Variants in RAB3C observed in about 807,000 individuals in gnomAD.
RAB3C encodes the protein ras-related protein Rab-3C.
A neutral mutation model predicts 26.4 loss-of-function variants in RAB3C; 17 were observed. The observed-to-expected ratio is 0.64, with a 90% confidence interval of 0.44 to 0.97. RAB3C has a LOEUF of 0.97. RAB3C is among the 50% of genes least tolerant of loss of function. The pLI, the probability that RAB3C is intolerant of heterozygous loss-of-function variation, is 0.00. For missense variants in RAB3C, 242 were observed against 281.9 expected (o/e 0.86, Z 1.01); for synonymous variants, 91 against 95.9 (o/e 0.95, Z 0.30).
At chr5:58,659,884 A>C (rs529678228) in intron 2 of RAB3C, among the ~76,000 whole-genome samples, 15 of 152,174 alleles carry the variant, frequency 9.9e-5, no homozygotes, top group African/African-American at 3.6e-4. Context: ...GCTCACTGCA[A>C]CCTCTGCCTC....
chr5:58,700,957 C>G lies in RAB3C; in HGVS notation c.253-25045C>G, dbSNP rs182576515. Among the ~76,000 whole-genome samples, 397 of 151,604 alleles carry G rather than the reference C, an allele frequency of 2.6e-3. 1 individual carries two copies. The highest frequency in any genetic ancestry group is 8.9e-3 in the African/African-American group (365 of 41,238). On this transcript the variant is annotated intron_variant, in intron 2 of 4. Coordinates refer to ENST00000282878, the MANE Select transcript of RAB3C (RefSeq NM_138453.4). Reference sequence around the variant, plus strand: ...AAAGGAGGTAGCTTTTGAGGTACTCCAGCTTAAAAATCTTTTATTTATTTA... The same window carrying G: ...AAAGGAGGTAGCTTTTGAGGTACTCGAGCTTAAAAATCTTTTATTTATTTA...
intron 1 of RAB3C, among the ~76,000 whole-genome samples, chr5:58,597,799 G>GTATATAATATA (rs1746359513): frequency 3.8e-5 from 1 of 26,424 alleles, no homozygotes; most frequent in Non-Finnish European, 9.5e-5. Flanking sequence ...TATATAACAT[G>GTATATAATATA]TAATACATTA....
At chr5:58,713,191 A>G (rs778161166) in intron 2 of RAB3C, among the ~76,000 whole-genome samples, 1 of 152,086 alleles carries the variant, frequency 6.6e-6, no homozygotes, top group East Asian at 1.9e-4. Flanking sequence ...CTAAACTTCA[A>G]TACCTCAGGG....
chr5:58,652,423 A>T (rs1561279121), intron 2 of RAB3C, among the ~76,000 whole-genome samples: 1 of 151,310 alleles, frequency 6.6e-6, no homozygotes, highest in South Asian at 2.1e-4. Context: ...CTTAAAACTT[A>T]TTTTTTTTCT....
intron 3 of RAB3C, among the ~76,000 whole-genome samples, chr5:58,805,589 G>GGAA (rs778353400): frequency 3.7e-5 from 4 of 107,156 alleles, no homozygotes; most frequent in Admixed American, 1.1e-4. Context: ...GACTCCATCT[G>GGAA]AAAAAAAAAA....
intron 3 of RAB3C, among the ~76,000 whole-genome samples, chr5:58,810,883 C>G (rs192467399): frequency 7.2e-5 from 11 of 152,368 alleles, no homozygotes; most frequent in Non-Finnish European, 1.5e-4. Context: ...AGGCATGAGC[C>G]ACCGTGCCCA....
At chr5:58,714,197 A>G (rs1749121234) in intron 2 of RAB3C, among the ~76,000 whole-genome samples, 1 of 152,158 alleles carries the variant, frequency 6.6e-6, no homozygotes, top group Non-Finnish European at 1.5e-5. Context: ...GGTGAATGGT[A>G]GTATGGATGG....
At chr5:58,777,752 C>G (rs184169112) in intron 3 of RAB3C, among the ~76,000 whole-genome samples, 5 of 149,654 alleles carry the variant, frequency 3.3e-5, no homozygotes, top group Admixed American at 1.3e-4. Flanking sequence ...CCCCTCCCCC[C>G]ACCCCATGAC....
At chr5:58,730,292 C>T (rs1740987948) in intron 3 of RAB3C, among the ~76,000 whole-genome samples, 1 of 151,610 alleles carries the variant, frequency 6.6e-6, no homozygotes, top group Admixed American at 6.6e-5. Flanking sequence ...TAAAAAAAAT[C>T]AGAAATCTTA....
chr5:58,832,585 G>T (rs1379393049), intron 4 of RAB3C, among the ~76,000 whole-genome samples: 4 of 152,334 alleles, frequency 2.6e-5, no homozygotes, highest in South Asian at 4.1e-4. Context: ...ACTTTCAAAA[G>T]ACAGCATATA....
At chr5:58,599,373 G>A (rs769757002) in intron 1 of RAB3C, among the ~76,000 whole-genome samples, 1 of 152,154 alleles carries the variant, frequency 6.6e-6, no homozygotes, top group Non-Finnish European at 1.5e-5. Context: ...CTGAGCTTCA[G>A]GACTACATCT....
chr5:58,682,741 T>C (rs1209142876), intron 2 of RAB3C, among the ~76,000 whole-genome samples: 1 of 151,104 alleles, frequency 6.6e-6, no homozygotes, highest in African/African-American at 2.4e-5. Flanking sequence ...TCAGAAATAC[T>C]GTATGGTATA....
intron 2 of RAB3C, among the ~76,000 whole-genome samples, chr5:58,628,245 T>A (rs1462941610): frequency 2.3e-5 from 3 of 128,438 alleles, no homozygotes; most frequent in African/African-American, 8.9e-5. Context: ...AGACATAAAA[T>A]AAAAAAGAGT....
chr5:58,596,558 AT>A (rs1208669567), intron 1 of RAB3C, among the ~76,000 whole-genome samples: 1 of 124,442 alleles, frequency 8.0e-6, no homozygotes, highest in Non-Finnish European at 1.6e-5. Context: ...TATAATACAT[AT>A]ATTATATATA....
At chr5:58,765,802 G>A (rs2111981837) in intron 3 of RAB3C, among the ~76,000 whole-genome samples, 1 of 152,252 alleles carries the variant, frequency 6.6e-6, no homozygotes, top group Admixed American at 6.5e-5. Context: ...CAAATTTCAT[G>A]TCAAATTATA....
At chr5:58,582,204 T>C (rs1203879387), upstream of RAB3C, 2 of 158,374 alleles carry the variant, frequency 1.3e-5, no homozygotes, top group Non-Finnish European at 2.7e-5. Context: ...GATTCCACGC[T>C]TTCCCTCCAG....
chr5:58,724,979 C>A lies in RAB3C; in HGVS notation c.253-1023C>A, dbSNP rs1298042288. Reference sequence around the variant, plus strand: ...TACTAGAGTTATGAGGGGATTGCCACCACAATTGTACAGTATTGTCGGTTT... The same window carrying A: ...TACTAGAGTTATGAGGGGATTGCCAACACAATTGTACAGTATTGTCGGTTT... On this transcript the variant is annotated intron_variant, in intron 2 of 4. Coordinates refer to ENST00000282878, the MANE Select transcript of RAB3C (RefSeq NM_138453.4). Among the ~76,000 whole-genome samples the A allele has an allele frequency of 2.0e-5, 3 of 151,862 alleles. No homozygotes were observed. The East Asian group carries it at 5.8e-4, about 29-fold the overall frequency.
intron 2 of RAB3C, among the ~76,000 whole-genome samples, chr5:58,632,656 A>G (rs1469471793): frequency 6.6e-6 from 1 of 152,224 alleles, no homozygotes; most frequent in African/African-American, 2.4e-5. Context: ...CTGTAGGCCT[A>G]TTCTTCGAGT....
chr5:58,770,681 A>G (rs1742013379), intron 3 of RAB3C, among the ~76,000 whole-genome samples: 1 of 152,178 alleles, frequency 6.6e-6, no homozygotes, highest in African/African-American at 2.4e-5. Context: ...CTTTAAACCT[A>G]AAACAGGAAG....
Sources: allele counts gnomAD v4.1 joint callset (sites outside exome capture counted in the v4.1 genomes callset), GRCh38; gene constraint gnomAD v4.1.1; transcripts MANE v1.5; gene names NCBI Gene and HGNC (gene_info 2026-07-23, HGNC 2026-07-21).